DNAJB1: variants seen among roughly 807,000 people sequenced by gnomAD.
The protein encoded by DNAJB1 is DnaJ heat shock protein family (Hsp40) member B1.
A neutral mutation model predicts 24.0 loss-of-function variants in DNAJB1; 14 were observed. That is an observed-to-expected ratio of 0.58 (90% CI 0.39 to 0.91). The LOEUF (loss-of-function observed/expected upper bound fraction) is 0.91, where lower values mean the gene tolerates loss of function less well. Ranked by LOEUF, DNAJB1 falls within the 40% of genes least tolerant of loss-of-function variation. The probability of loss-of-function intolerance (pLI) is 0.00; values close to 1 mark genes in which losing one functional copy is unlikely to be tolerated. For missense variants in DNAJB1, 517 were observed against 458.1 expected (o/e 1.13, Z -1.17); for synonymous variants, 262 against 174.4 (o/e 1.50, Z -3.96).
rs371146880 is a variant in DNAJB1, at chr19:14,515,994, G to C, written c.969C>G (p.Pro323=). The part of the protein sequence containing the change: ...DLIIEFEVIF[P]ERIPQTSRTV... Reference sequence around the variant, plus strand: ...TTCTTGATGTCTGGGGAATCCTTTCGGGGAAGATCACTTCAAACTCAATAA... The same window carrying C: ...TTCTTGATGTCTGGGGAATCCTTTCCGGGAAGATCACTTCAAACTCAATAA... The change falls in exon 3 of 3, where the codon CCC becomes CCG. Residue 323 remains proline, a synonymous_variant. Transcript: ENST00000254322. 9.3e-6 allele frequency: 15 copies of C among 1,610,090 alleles called. No individual in the cohort carries two copies. In the African/African-American group the frequency reaches 1.1e-4, roughly 12 times the overall value.
At chr19:14,543,890 CCCA>C (rs748742134) in intron 1 of DNAJB1, among the ~76,000 whole-genome samples, 13 of 151,472 alleles carry the variant, frequency 8.6e-5, no homozygotes, top group Non-Finnish European at 1.9e-4. Flanking sequence ...CATGCACCAC[CCCA>C]CACCTGGCTT....
upstream of DNAJB1, among the ~76,000 whole-genome samples, chr19:14,518,647 G>GCCCA (rs2072323864): frequency 6.6e-6 from 1 of 152,066 alleles, no homozygotes; most frequent in African/African-American, 2.4e-5. Context: ...AGGAGGCCCC[G>GCCCA]CCCACCTTTC....
chr19:14,538,037 C>A (rs2072966172), intron 1 of DNAJB1, among the ~76,000 whole-genome samples: 1 of 152,118 alleles, frequency 6.6e-6, no homozygotes, highest in Non-Finnish European at 1.5e-5. Context: ...TGAGCCACTG[C>A]GCCGGCAGTG....
chr19:14,515,442 T>C lies in DNAJB1; in HGVS notation c.*498A>G. On this transcript the variant is annotated 3_prime_UTR_variant, in exon 3 of 3. Coordinates refer to ENST00000254322, the MANE Select transcript of DNAJB1 (RefSeq NM_006145.3). ...AATAGTTTAGGTTCTCAATTTGAGA[T>C]GGCCAAAGAGAAGACAGAATTCTCC... The C allele has an allele frequency of 6.5e-6, 1 of 154,740 alleles. No homozygotes were observed. Among genetic ancestry groups the C allele is most frequent in the Middle Eastern group, 3.3e-3 (1 of 306 alleles). The allele number at this position is 154,740 out of a possible 1,614,324, so 9.6% of individuals were successfully genotyped here. A position where few individuals can be genotyped will look rare whatever the true frequency, so the allele number is the denominator to read the frequency against.
chr19:14,528,335 G>A (rs1366384056), intron 1 of DNAJB1, among the ~76,000 whole-genome samples: 2 of 151,526 alleles, frequency 1.3e-5, no homozygotes, highest in Admixed American at 1.3e-4. Context: ...CGCCTCCCGG[G>A]TTCAAGCAAT....
chr19:14,530,075 C>T, upstream of DNAJB1: 1 of 383,382 alleles, frequency 2.6e-6, no homozygotes, highest in Non-Finnish European at 4.9e-6. Flanking sequence ...TTGCACAAAT[C>T]TTGCGCCACG....
intron 1 of DNAJB1, among the ~76,000 whole-genome samples, chr19:14,555,349 A>G (rs531414848): frequency 6.6e-6 from 1 of 151,090 alleles, no homozygotes; most frequent in Admixed American, 6.6e-5. Flanking sequence ...CCTGGGTTCA[A>G]GCGATTCTCC....
chr19:14,542,758 A>G (rs1325206114), intron 1 of DNAJB1, among the ~76,000 whole-genome samples: 1 of 151,028 alleles, frequency 6.6e-6, no homozygotes. Context: ...GAGCAGAGCG[A>G]CTCACCCCAG....
rs2072265375 is a variant in DNAJB1 at position 14,516,514 on chromosome 19, C to T, written c.744G>A (p.Lys248=). The T allele has an allele frequency of 6.2e-7, 1 of 1,614,112 alleles. No individual in the cohort carries two copies. The highest frequency in any genetic ancestry group is 8.5e-7 in the Non-Finnish European group (1 of 1,180,056). The change falls in exon 2 of 3, where the codon AAG becomes AAA. Residue 248 remains lysine, a synonymous_variant. Transcript: ENST00000254322. ...GATAAATGACATCAGAGCCATCTCT[C>T]TTAAAGATATTGTGGGGCTTGTCCT... The part of the protein sequence containing the change: ...VLKDKPHNIF[K]RDGSDVIYPA...
At chr19:14,552,243 A>G (rs1237837386), upstream of DNAJB1, among the ~76,000 whole-genome samples, 1 of 138,896 alleles carries the variant, frequency 7.2e-6, no homozygotes, top group Non-Finnish European at 1.5e-5. Context: ...ATGATAGGTC[A>G]CTGCAGCCTT....
At chr19:14,534,167 C>T (rs1326740844), upstream of DNAJB1, 1 of 151,894 alleles carries the variant, frequency 6.6e-6, no homozygotes, top group East Asian at 1.9e-4. Context: ...CACTCTCGCC[C>T]AGGCTGGAGT....
At chr19:14,560,080 G>C (rs2073857968) in exon 1 of DNAJB1, among the ~76,000 whole-genome samples, 3 of 152,146 alleles carry the variant, frequency 2.0e-5, no homozygotes, top group Admixed American at 2.0e-4. Context: ...GGCTGGCCTG[G>C]GCACCACTGC....
chr19:14,517,903 G>A (rs1360489981), intron 1 of DNAJB1: 4 of 403,346 alleles, frequency 9.9e-6, no homozygotes, highest in Admixed American at 4.6e-5. Flanking sequence ...GGAGGCGCCC[G>A]GGGAGGGGCA....
At chr19:14,536,106 G>A (rs73924194) in intron 1 of DNAJB1, among the ~76,000 whole-genome samples, 1,525 of 152,198 alleles carry the variant, frequency 0.01, 10 homozygotes, top group South Asian at 0.048. Flanking sequence ...CCTTTTCCAG[G>A]GCTGCAGGCC....
At chr19:14,527,165 C>CTTTTTT (rs369143149) in intron 2 of DNAJB1, among the ~76,000 whole-genome samples, 754 of 41,300 alleles carry the variant, frequency 0.018, 152 homozygotes, top group Non-Finnish European at 0.02. Flanking sequence ...AATATCTCTG[C>CTTTTTT]TTTTTTTTTT....
intron 1 of DNAJB1, among the ~76,000 whole-genome samples, chr19:14,539,140 A>ATTTTTTTT (rs57801378): frequency 4.3e-5 from 4 of 92,534 alleles, no homozygotes; most frequent in East Asian, 3.0e-4. Context: ...CGCCCGGCTA[A>ATTTTTTTT]TTTTTTTTTT....
chr19:14,518,639 G>T (rs28384438), upstream of DNAJB1, among the ~76,000 whole-genome samples: 9 of 151,942 alleles, frequency 5.9e-5, no homozygotes, highest in African/African-American at 2.2e-4. Flanking sequence ...CAGGTCGGAG[G>T]AGGCCCCGCC....
chr19:14,529,565 C>G, upstream of DNAJB1: 1 of 1,420,218 alleles, frequency 7.0e-7, no homozygotes, highest in Non-Finnish European at 9.9e-7. Flanking sequence ...CGCGCGCGGC[C>G]TGGAGGGGCG....
intron 1 of DNAJB1, among the ~76,000 whole-genome samples, chr19:14,542,347 G>GGTTTTT (rs2073124658): frequency 2.5e-4 from 11 of 43,300 alleles, no homozygotes; most frequent in African/African-American, 8.1e-4. Context: ...ATGCCATAGT[G>GGTTTTT]TTTTTTTTTT....
Sources: allele counts gnomAD v4.1 joint callset (sites outside exome capture counted in the v4.1 genomes callset), GRCh38; gene constraint gnomAD v4.1.1; transcripts MANE v1.5; gene names NCBI Gene and HGNC (gene_info 2026-07-23, HGNC 2026-07-21).